CHST6: variants seen among roughly 807,000 people sequenced by gnomAD.
CHST6 encodes the protein N-acetylglucosamine 6-O-sulfotransferase 5.
For synonymous variants in CHST6, 309 were observed against 276.4 expected (o/e 1.12, Z -1.17); for missense variants, 698 against 586.2 (o/e 1.19, Z -1.97).
At chr16:75,488,342 T>C (rs1047411256) in intron 1 of CHST6, among the ~76,000 whole-genome samples, 2 of 151,542 alleles carry the variant, frequency 1.3e-5, no homozygotes, top group African/African-American at 2.4e-5. Flanking sequence ...AGGTGCCTAT[T>C]TGTAACCCCA....
rs547931862 is a variant in CHST6 at position 75,494,223 on chromosome 16, T to C, written c.-92+717A>G. On this transcript the variant is annotated intron_variant, in intron 1 of 2. Transcript: ENST00000332272. ...AGTGAGGGGTGTGACTTAGAGCAAG[T>C]CACTCTCTGGCTCTCTATACTCCAG... Among the ~76,000 whole-genome samples, 11 of 152,230 alleles carry C rather than the reference T, an allele frequency of 7.2e-5. No individual in the cohort carries two copies. The South Asian group carries it at 2.3e-3, about 32-fold the overall frequency.
At chr16:75,483,624 C>A (rs2080165233) in intron 1 of CHST6, among the ~76,000 whole-genome samples, 1 of 152,136 alleles carries the variant, frequency 6.6e-6, no homozygotes, top group African/African-American at 2.4e-5. Flanking sequence ...ATGCTATCAT[C>A]CCAAGTCCCT....
intron 1 of CHST6, among the ~76,000 whole-genome samples, chr16:75,489,262 G>T (rs2080232367): frequency 6.6e-6 from 1 of 151,724 alleles, no homozygotes; most frequent in African/African-American, 2.4e-5. Context: ...AGCTAGGCGT[G>T]GTGGTGCATG....
chr16:75,479,694 C>T lies in CHST6; in HGVS notation c.135G>A (p.Val45=), dbSNP rs745915192. The T allele has an allele frequency of 6.2e-7, 1 of 1,611,980 alleles. No homozygotes were observed. The highest frequency in any genetic ancestry group is 1.7e-5 in the Admixed American group (1 of 59,896). ...ACGAGCCCGAGCGCCACGAGGACAGCACCAGCACATGCACGCGCGCCTCGC... is the reference window on the plus strand; with the variant it reads ...ACGAGCCCGAGCGCCACGAGGACAGTACCAGCACATGCACGCGCGCCTCGC... The part of the protein sequence containing the change: ...AGGEARVHVL[V]LSSWRSGSSF... Residue 45 remains valine (V), a synonymous_variant, in exon 3 of 3, where the codon GTG becomes GTA. Coordinates refer to ENST00000332272, the MANE Select transcript of CHST6 (RefSeq NM_021615.5).
Position 75,474,441 on chromosome 16 carries a change from A to T in CHST6, c.*4200T>A, listed in dbSNP as rs997545257. The T allele has an allele frequency of 1.2e-4, 48 of 385,648 alleles. No individual in the cohort carries two copies. Among genetic ancestry groups the T allele is most frequent in the African/African-American group, 8.7e-4 (42 of 48,186 alleles). The allele number at this position is 385,648 out of a possible 1,614,324, so 23.9% of individuals were successfully genotyped here. ...AGGTGCACGACACCATGCCCTGCTA[A>T]TTTTTTTTTAACTTTGTAGAGATGG... On this transcript the variant is annotated 3_prime_UTR_variant, in exon 3 of 3. Transcript: ENST00000332272.
Position 75,478,648 on chromosome 16 carries a change from C to A in CHST6, c.1181G>T (p.Arg394Leu), listed in dbSNP as rs139042144. The change falls in exon 3 of 3, where the codon CGA becomes CTA. Residue 394 changes from arginine (R) to leucine (L), a missense_variant. By Grantham distance (102) the Arg-to-Leu change is moderately radical. Transcript: ENST00000332272. ...TWASSTASHP[R>L]N ...CTACAACTGTGGCCTCCACTAATTT[C>A]GGGGGTGCGAGGCGGTGGATGATGC... The A allele has an allele frequency of 6.2e-7, 1 of 1,613,404 alleles. No individual in the cohort carries two copies. Among genetic ancestry groups the A allele is most frequent in the African/African-American group, 1.3e-5 (1 of 74,926 alleles).
Position 75,473,499 on chromosome 16 carries a change from C to A in CHST6, c.*5142G>T, listed in dbSNP as rs900014286. The A allele has an allele frequency of 3.3e-5, 5 of 152,210 alleles. No individual in the cohort carries two copies. Among genetic ancestry groups the A allele is most frequent in the Non-Finnish European group, 7.3e-5 (5 of 68,044 alleles). 9.4% of individuals were successfully genotyped at this position (152,210 alleles called of 1,614,324 possible). ...GTGGAGGAAAGCAGAGGCGTCAGCT[C>A]AGACTATGCCTTTTTCACATAAAAA... On this transcript the variant is annotated 3_prime_UTR_variant, in exon 3 of 3. Transcript: ENST00000332272.
Position 75,492,455 on chromosome 16 carries a change from T to C in CHST6, c.-92+2485A>G, listed in dbSNP as rs115279398. Reference sequence around the variant, plus strand: ...CTCATTACAGAGATAATCTGGAATGTTCCCTGGTTTATTAACCATTTATTT... The same window carrying C: ...CTCATTACAGAGATAATCTGGAATGCTCCCTGGTTTATTAACCATTTATTT... On this transcript the variant is annotated intron_variant, in intron 1 of 2. Transcript: ENST00000332272. Among the ~76,000 whole-genome samples the C allele has an allele frequency of 4.2e-3, 646 of 152,378 alleles. 5 individuals carry two copies. Among genetic ancestry groups the C allele is most frequent in the African/African-American group, 0.015 (607 of 41,594 alleles).
chr16:75,482,818 C>T (rs926126532), intron 1 of CHST6, among the ~76,000 whole-genome samples: 10 of 152,140 alleles, frequency 6.6e-5, no homozygotes, highest in African/African-American at 2.2e-4. Flanking sequence ...GCCCATTTCC[C>T]TCATCAGGAG....
In CHST6 at chr16:75,495,366, C is replaced by A. The variant is rs1317512639; in HGVS notation, c.-518G>T. ...CTACTCCCCGCGCGCCGGCCGGCAACCCTCGGCGCTGCCCGGTGCAGCCCG... is the reference window on the plus strand; with the variant it reads ...CTACTCCCCGCGCGCCGGCCGGCAAACCTCGGCGCTGCCCGGTGCAGCCCG... On this transcript the variant is annotated 5_prime_UTR_variant, in exon 1 of 3. Transcript: ENST00000332272. 1.3e-5 allele frequency: 2 copies of A among 152,436 alleles called. No homozygotes were observed. Among genetic ancestry groups the A allele is most frequent in the Non-Finnish European group, 2.9e-5 (2 of 68,228 alleles). 9.4% of individuals were successfully genotyped at this position (152,436 alleles called of 1,614,324 possible). A position where few individuals can be genotyped will look rare whatever the true frequency, so the allele number is the denominator to read the frequency against.
chr16:75,479,865 G>T (rs768192163), intron 2 of CHST6, 21 bp from the exon 3 acceptor site: 180 of 1,533,952 alleles, frequency 1.2e-4, no homozygotes, highest in Non-Finnish European at 1.5e-4. Context: ...AGAGCGCAGC[G>T]GTTAGGGGCT....
In CHST6 at chr16:75,472,437, C is replaced by T. The variant is rs1167585432; in HGVS notation, c.*6204G>A. 1 of 152,146 alleles carries T rather than the reference C, an allele frequency of 6.6e-6. No individual in the cohort carries two copies. The highest frequency in any genetic ancestry group is 1.5e-5 in the Non-Finnish European group (1 of 68,030). The allele number at this position is 152,146 out of a possible 1,614,324, so 9.4% of individuals were successfully genotyped here. On this transcript the variant is annotated 3_prime_UTR_variant, in exon 3 of 3. Coordinates refer to ENST00000332272, the MANE Select transcript of CHST6 (RefSeq NM_021615.5). ...AGAGGCTGTGGTAAGTCAACAGCAACATGGGCACAGCCTTGAACAATGAAA... is the reference window on the plus strand; with the variant it reads ...AGAGGCTGTGGTAAGTCAACAGCAATATGGGCACAGCCTTGAACAATGAAA...
chr16:75,491,692 G>A (rs2080258566), intron 1 of CHST6, among the ~76,000 whole-genome samples: 1 of 152,072 alleles, frequency 6.6e-6, no homozygotes, highest in African/African-American at 2.4e-5. Flanking sequence ...TCTTATTAGT[G>A]CTTTGCTGCA....
chr16:75,480,811 C>G (rs557841550), intron 2 of CHST6, among the ~76,000 whole-genome samples: 1 of 151,362 alleles, frequency 6.6e-6, no homozygotes, highest in South Asian at 2.1e-4. Flanking sequence ...CACCTGTAAT[C>G]CCCAGCTACT....
rs1362886655 is a variant in CHST6 at position 75,478,517 on chromosome 16, G to A, written c.*124C>T. 2 of 927,980 alleles carry A rather than the reference G, an allele frequency of 2.2e-6. No homozygotes were observed. Among genetic ancestry groups the A allele is most frequent in the African/African-American group, 1.6e-5 (1 of 61,538 alleles). 57.5% of individuals were successfully genotyped at this position (927,980 alleles called of 1,614,324 possible). ...CGTGCAGTCCTTGCCTACTTGGGGA[G>A]GGGGAGGGGTCGTACCACAAACTCC... On this transcript the variant is annotated 3_prime_UTR_variant, in exon 3 of 3. Coordinates refer to ENST00000332272, the MANE Select transcript of CHST6 (RefSeq NM_021615.5).
Position 75,478,517 on chromosome 16 carries a change from G to T in CHST6, c.*124C>A. ...CGTGCAGTCCTTGCCTACTTGGGGA[G>T]GGGGAGGGGTCGTACCACAAACTCC... On this transcript the variant is annotated 3_prime_UTR_variant, in exon 3 of 3. Transcript: ENST00000332272. The T allele has an allele frequency of 1.1e-6, 1 of 927,980 alleles. No individual in the cohort carries two copies. Among genetic ancestry groups the T allele is most frequent in the East Asian group, 2.5e-5 (1 of 39,618 alleles). 57.5% of individuals were successfully genotyped at this position (927,980 alleles called of 1,614,324 possible).
chr16:75,479,188 G>C lies in CHST6; in HGVS notation c.641C>G (p.Thr214Arg). The C allele has an allele frequency of 6.2e-7, 1 of 1,608,600 alleles. No individual in the cohort carries two copies. The highest frequency in any genetic ancestry group is 2.2e-5 in the East Asian group (1 of 44,842). ...PRAVLRSREQ[T>R]AKALARDNGI... ...GTTGTCACGCGCCAGAGCCTTGGCT[G>C]TCTGCTCCCGGGAGCGCAGCACGGC... The change falls in exon 3 of 3, where the codon ACA becomes AGA. Residue 214 changes from threonine to arginine, a missense_variant. By Grantham distance (71) the Thr-to-Arg change is moderately conservative. Transcript: ENST00000332272.
At position 75,474,766 on chromosome 16, in the gene CHST6, C is replaced by T; in HGVS notation, c.*3875G>A. On this transcript the variant is annotated 3_prime_UTR_variant, in exon 3 of 3. Transcript: ENST00000332272. ...ATGAACTCCTTCATTTAAAAGGCAC[C>T]ACTCTCAGGATAACCAACTCACTCC... 1 of 398,306 alleles carries T rather than the reference C, an allele frequency of 2.5e-6. No individual in the cohort carries two copies. The allele number at this position is 398,306 out of a possible 1,614,324, so 24.7% of individuals were successfully genotyped here.
rs2080066979 is a variant in CHST6, at chr16:75,476,515, T to G, written c.*2126A>C. ...GGCAGAGGTTGCAGTGAGCCGAGAT[T>G]GTGCCACTGCACTCCAGCCTGGGCG... On this transcript the variant is annotated 3_prime_UTR_variant, in exon 3 of 3. Coordinates refer to ENST00000332272, the MANE Select transcript of CHST6 (RefSeq NM_021615.5). 7.3e-6 allele frequency: 1 copy of G among 136,618 alleles called. No homozygotes were observed. The highest frequency in any genetic ancestry group is 2.4e-4 in the South Asian group (1 of 4,150). 8.5% of individuals were successfully genotyped at this position (136,618 alleles called of 1,614,324 possible).
Sources: gnomAD v4.1 joint callset for allele counts (sites outside exome capture counted in the v4.1 genomes callset) on GRCh38, gnomAD v4.1.1 for gene constraint, MANE v1.5 for transcripts, NCBI Gene and HGNC (gene_info 2026-07-23, HGNC 2026-07-21) for gene names.